The following C10orf143 variants were observed in gnomAD, a reference collection of about 807,000 sequenced individuals.
C10orf143 encodes uncharacterized protein C10orf143.
Position 130,079,606 on chromosome 10 carries a change from C to T in C10orf143, c.257G>A (p.Ser86Asn). The stretch of plus-strand genomic sequence containing the variant: ...ACATCTTGGGCAAGGCTGGGCTGAG[C>T]TCCTTCCACCATTCTGAGAAATCTA... Reference protein sequence around the residue: ...STGISQNGGRSSAQPCPRCIA... With the variant: ...STGISQNGGRNSAQPCPRCIA... Residue 86 changes from serine to asparagine, a missense_variant, in exon 3 of 4, where the codon AGC becomes AAC. Coordinates refer to ENST00000637128, the MANE Select transcript of C10orf143 (RefSeq NM_001355042.2). 1 of 399,084 alleles carries T rather than the reference C, an allele frequency of 2.5e-6. No homozygotes were observed. The highest frequency in any genetic ancestry group is 4.4e-6 in the Non-Finnish European group (1 of 226,064). The allele number at this position is 399,084 out of a possible 1,614,324, so 24.7% of individuals were successfully genotyped here. A position where few individuals can be genotyped will look rare whatever the true frequency, so the allele number is the denominator to read the frequency against.
chr10:130,064,186 G>T lies in C10orf143; in HGVS notation c.*168C>A. The stretch of plus-strand genomic sequence containing the variant: ...CCTGGCTCTCGTGCAGAGGATGGTG[G>T]ATTTACTAGAATGAAAGGACAGACA... On this transcript the variant is annotated 3_prime_UTR_variant, in exon 4 of 4. Coordinates refer to ENST00000637128, the MANE Select transcript of C10orf143 (RefSeq NM_001355042.2). 2.5e-6 allele frequency: 1 copy of T among 392,384 alleles called. No homozygotes were observed. Among genetic ancestry groups the T allele is most frequent in the Non-Finnish European group, 4.5e-6 (1 of 222,818 alleles). The allele number at this position is 392,384 out of a possible 1,614,324, so 24.3% of individuals were successfully genotyped here.
intron 3 of C10orf143, chr10:130,066,853 C>T (rs796204108): frequency 5.3e-5 from 8 of 152,272 alleles, no homozygotes; most frequent in East Asian, 3.9e-4. Flanking sequence ...GCAGGTCTGA[C>T]GAGGAGCATC....
At chr10:130,038,042 T>C (rs1287120322) in intron 3 of C10orf143, among the ~76,000 whole-genome samples, 2 of 152,222 alleles carry the variant, frequency 1.3e-5, no homozygotes, top group African/African-American at 4.8e-5. Context: ...ATTATGACTG[T>C]AATATACTTA....
intron 3 of C10orf143, among the ~76,000 whole-genome samples, chr10:130,058,007 A>G (rs1860814266): frequency 6.6e-6 from 1 of 152,094 alleles, no homozygotes. Context: ...ATTCCCCAAA[A>G]CAGAATGCTT....
intron 3 of C10orf143, among the ~76,000 whole-genome samples, chr10:130,055,042 C>CA (rs201976163): frequency 0.013 from 2,036 of 150,866 alleles, 22 homozygotes; most frequent in East Asian, 0.044. Flanking sequence ...TTACACCATA[C>CA]AAAAAAAAAT....
chr10:130,051,246 C>T (rs188865581), intron 3 of C10orf143, among the ~76,000 whole-genome samples: 9 of 150,462 alleles, frequency 6.0e-5, no homozygotes, highest in East Asian at 1.9e-4. Context: ...CTCCTACCCC[C>T]GCCTCATTAA....
chr10:130,053,853 T>C (rs1460351870), intron 3 of C10orf143, among the ~76,000 whole-genome samples: 1 of 152,124 alleles, frequency 6.6e-6, no homozygotes, highest in Non-Finnish European at 1.5e-5. Flanking sequence ...AAACTGTGGG[T>C]CCCTGGGAGA....
chr10:130,090,165 A>G (rs59200971), intron 1 of C10orf143, among the ~76,000 whole-genome samples: 21,191 of 152,182 alleles, frequency 0.14, 2,750 homozygotes, highest in African/African-American at 0.33. Context: ...AGCTCCCAGC[A>G]AGATCAATGC....
At chr10:130,083,443 G>A (rs187256953) in intron 1 of C10orf143, among the ~76,000 whole-genome samples, 55 of 152,216 alleles carry the variant, frequency 3.6e-4, no homozygotes, top group Admixed American at 8.5e-4. Flanking sequence ...TGGGAAAAAA[G>A]CACATTTGCA....
Position 130,056,419 on chromosome 10 carries a change from G to A in C10orf143, c.298-20449C>T, listed in dbSNP as rs979652113. Among the ~76,000 whole-genome samples the A allele has an allele frequency of 1.2e-4, 19 of 152,102 alleles. No homozygotes were observed. Among genetic ancestry groups the A allele is most frequent in the Admixed American group, 5.2e-4 (8 of 15,262 alleles). On this transcript the variant is annotated intron_variant and NMD_transcript_variant, in intron 3 of 5. Coordinates refer to the C10orf143 transcript ENST00000643056. The surrounding 1 kb of genome is among the most constrained non-coding windows in gnomAD (Gnocchi z 4.6). ...CAGCAAGGGTCATGCTGAGTCAAGCGTTCAGTGAATACCCCAGGACCTTCA... is the reference window on the plus strand; with the variant it reads ...CAGCAAGGGTCATGCTGAGTCAAGCATTCAGTGAATACCCCAGGACCTTCA...
At chr10:130,078,283 G>T (rs1376089577) in intron 3 of C10orf143, among the ~76,000 whole-genome samples, 1 of 152,092 alleles carries the variant, frequency 6.6e-6, no homozygotes, top group Non-Finnish European at 1.5e-5. Flanking sequence ...CCAAGTGTTT[G>T]CTTCCAACAG....
Position 130,036,579 on chromosome 10 carries a change from C to T in C10orf143, c.298-609G>A, listed in dbSNP as rs528603974. 2.0e-5 allele frequency among the ~76,000 whole-genome samples: 3 copies of T among 152,322 alleles called. No individual in the cohort carries two copies. The East Asian group carries it at 5.8e-4, about 29-fold the overall frequency. On this transcript the variant is annotated intron_variant and NMD_transcript_variant, in intron 3 of 5. Coordinates refer to the C10orf143 transcript ENST00000643056. ...CCTGGAGCCTCCACCCTGAGAGAAG[C>T]GGCCCCCATCTCGCCAGCTGCCACC...
chr10:130,106,240 G>A (rs1309194745), intron 1 of C10orf143: 1 of 1,425,872 alleles, frequency 7.0e-7, no homozygotes, highest in Non-Finnish European at 9.9e-7. Context: ...GTTTTAGATC[G>A]GTTAGGAGTC....
intron 3 of C10orf143, among the ~76,000 whole-genome samples, chr10:130,058,853 T>C (rs1860824051): frequency 6.6e-6 from 1 of 152,088 alleles, no homozygotes; most frequent in Non-Finnish European, 1.5e-5. Flanking sequence ...GATCCTAAAG[T>C]TGATCATACC....
chr10:130,050,785 C>T (rs114786727), intron 3 of C10orf143, among the ~76,000 whole-genome samples: 106 of 152,272 alleles, frequency 7.0e-4, no homozygotes, highest in African/African-American at 2.5e-3. Context: ...ATGTGGCAAC[C>T]GAATCAGCTC....
chr10:130,041,878 C>T (rs748067395), intron 3 of C10orf143, among the ~76,000 whole-genome samples: 5 of 151,934 alleles, frequency 3.3e-5, no homozygotes, highest in Admixed American at 6.6e-5. Flanking sequence ...CACATGAACA[C>T]GTGTAACACA....
chr10:130,037,145 T>A (rs1467967247), intron 3 of C10orf143, among the ~76,000 whole-genome samples: 1 of 152,164 alleles, frequency 6.6e-6, no homozygotes, highest in Non-Finnish European at 1.5e-5. Flanking sequence ...GGAGAAAGTC[T>A]GGGTGGGGAC....
At chr10:130,060,516 T>C (rs549159925), downstream of C10orf143, among the ~76,000 whole-genome samples, 9 of 152,266 alleles carry the variant, frequency 5.9e-5, no homozygotes, top group South Asian at 1.9e-3. Context: ...AAGAGTTACA[T>C]GATGTTAACA....
intron 3 of C10orf143, among the ~76,000 whole-genome samples, chr10:130,078,138 T>C (rs543757254): frequency 2.5e-4 from 38 of 152,162 alleles, no homozygotes; most frequent in Non-Finnish European, 4.1e-4. Context: ...AAAACCCTAA[T>C]CAAATAGGTA....
Sources: allele counts gnomAD v4.1 joint callset (sites outside exome capture counted in the v4.1 genomes callset), GRCh38; gene constraint gnomAD v4.1.1; non-coding constraint Gnocchi (gnomAD v3.1); transcripts MANE v1.5; gene names NCBI Gene and HGNC (gene_info 2026-07-23, HGNC 2026-07-21).